ROBO1: variants seen among roughly 807,000 people sequenced by gnomAD.
ROBO1 encodes the protein roundabout guidance receptor 1.
ROBO1 carries 149 observed loss-of-function variants against 195.9 expected under a neutral mutation model. That is an observed-to-expected ratio of 0.76 (90% confidence interval 0.67 to 0.87). ROBO1 has a LOEUF of 0.87. ROBO1 is among the 40% of genes least tolerant of loss of function. The pLI is 0.00. For missense variants in ROBO1, 1,933 were observed against 2,068.3 expected, an observed-to-expected ratio of 0.93 and a Z score of 1.27; for synonymous variants, 816 against 733.2, an observed-to-expected ratio of 1.11 and a Z score of -1.82.
chr3:79,469,756 C>G (rs1938162821), intron 2 of ROBO1, among the ~76,000 whole-genome samples: 1 of 152,012 alleles, frequency 6.6e-6, no homozygotes, highest in Non-Finnish European at 1.5e-5. Flanking sequence ...TATATTTTGG[C>G]AAATCTACTT....
chr3:79,725,614 T>C (rs1288262546), intron 1 of ROBO1, among the ~76,000 whole-genome samples: 1 of 152,140 alleles, frequency 6.6e-6, no homozygotes, highest in Non-Finnish European at 1.5e-5. Flanking sequence ...GAAAGATGAA[T>C]GCAATACCAA....
intron 4 of ROBO1, among the ~76,000 whole-genome samples, chr3:78,835,656 A>G (rs1281160269): frequency 6.6e-6 from 1 of 152,194 alleles, no homozygotes; most frequent in Non-Finnish European, 1.5e-5. Context: ...AAAATGATCA[A>G]TCTATGAATT....
At chr3:78,791,896 C>T (rs1334536522) in intron 4 of ROBO1, among the ~76,000 whole-genome samples, 3 of 152,188 alleles carry the variant, frequency 2.0e-5, no homozygotes, top group Non-Finnish European at 2.9e-5. Context: ...TGCATCTGCT[C>T]CTGCCAGTTT....
intron 1 of ROBO1, among the ~76,000 whole-genome samples, chr3:79,704,335 C>G (rs767038305): frequency 1.3e-5 from 2 of 151,940 alleles, no homozygotes; most frequent in African/African-American, 4.8e-5. Flanking sequence ...ACCCCTCTAC[C>G]TATTCATGTC....
intron 2 of ROBO1, among the ~76,000 whole-genome samples, chr3:79,472,350 T>G (rs1938325809): frequency 2.0e-5 from 3 of 152,074 alleles, no homozygotes; most frequent in African/African-American, 7.2e-5. Context: ...CAGATGTCCC[T>G]CTTTAGGCCC....
At chr3:79,213,887 A>G (rs2082009120) in intron 2 of ROBO1, among the ~76,000 whole-genome samples, 1 of 139,108 alleles carries the variant, frequency 7.2e-6, no homozygotes, top group Non-Finnish European at 1.5e-5. Context: ...GTGCAGTGGC[A>G]CAATCTCGGC....
At chr3:79,487,876 GATAGAA>G (rs1277501692) in intron 2 of ROBO1, among the ~76,000 whole-genome samples, 13 of 152,120 alleles carry the variant, frequency 8.5e-5, no homozygotes, top group Admixed American at 5.2e-4. Flanking sequence ...TTTTTCCCTA[GATAGAA>G]ATAGAAAATG....
intron 27 of ROBO1, 85 bp downstream of exon 27, chr3:78,617,550 A>G: frequency 7.3e-7 from 1 of 1,361,274 alleles, no homozygotes. Flanking sequence ...TTCAAATAGG[A>G]CGTAAGATCA....
Position 78,651,971 on chromosome 3 carries a change from T to C in ROBO1, c.2615-42A>G, listed in dbSNP as rs1706691431. On this transcript the variant is annotated intron_variant, in intron 18 of 30. Coordinates refer to ENST00000464233, the MANE Select transcript of ROBO1 (RefSeq NM_002941.4). ...CGATTAATTTGGGTTGAAGACTCAA[T>C]GCAATAATGCACGCACTCATTTGTG... 2.7e-6 allele frequency: 4 copies of C among 1,468,846 alleles called. No homozygotes were observed. The East Asian group carries it at 9.2e-5, about 34-fold the overall frequency. 91.0% of individuals were successfully genotyped at this position (1,468,846 alleles called of 1,614,324 possible). A position where few individuals can be genotyped will look rare whatever the true frequency, so the allele number is the denominator to read the frequency against.
At chr3:79,544,541 A>G (rs1434825195) in intron 2 of ROBO1, among the ~76,000 whole-genome samples, 1 of 152,072 alleles carries the variant, frequency 6.6e-6, no homozygotes, top group Non-Finnish European at 1.5e-5. Flanking sequence ...TAATACCAGA[A>G]TAGTGGCGGG....
At position 78,963,550 on chromosome 3, in the gene ROBO1, G is replaced by C. The variant is rs1234582611; in HGVS notation, c.173-24623C>G. 3.7e-5 allele frequency among the ~76,000 whole-genome samples: 4 copies of C among 107,616 alleles called. No homozygotes were observed. In the South Asian group the frequency reaches 1.2e-3, roughly 34 times the overall value. The allele number at this position is 107,616 out of a possible 152,430, so 70.6% of individuals were successfully genotyped here. ...TTTTTTTTTTTTGAGACGGAGTCTC[G>C]CTCTGTCGCCCAGGCTGGAGTGCAG... On this transcript the variant is annotated intron_variant, in intron 3 of 30. Coordinates refer to ENST00000464233, the MANE Select transcript of ROBO1 (RefSeq NM_002941.4).
chr3:79,689,815 T>C (rs1480598646), intron 1 of ROBO1, among the ~76,000 whole-genome samples: 1 of 152,010 alleles, frequency 6.6e-6, no homozygotes, highest in Non-Finnish European at 1.5e-5. Context: ...CACATCTTGG[T>C]AGCAAAATGT....
chr3:79,473,663 T>C (rs559027369), intron 2 of ROBO1, among the ~76,000 whole-genome samples: 20 of 152,144 alleles, frequency 1.3e-4, no homozygotes, highest in Non-Finnish European at 2.8e-4. Context: ...AATAATAGCA[T>C]TAACATAATT....
chr3:78,669,006 G>A (rs1199276955), intron 11 of ROBO1, among the ~76,000 whole-genome samples: 1 of 152,058 alleles, frequency 6.6e-6, no homozygotes, highest in African/African-American at 2.4e-5. Flanking sequence ...GGATATATGA[G>A]ATCAACAGAA....
intron 1 of ROBO1, among the ~76,000 whole-genome samples, chr3:79,767,113 G>A (rs1705040272): frequency 6.6e-6 from 1 of 152,084 alleles, no homozygotes; most frequent in Non-Finnish European, 1.5e-5. Context: ...ATACCGCCAA[G>A]AGTTTACCAA....
chr3:78,744,900 T>C (rs541618736), intron 5 of ROBO1, among the ~76,000 whole-genome samples: 49 of 152,322 alleles, frequency 3.2e-4, no homozygotes, highest in African/African-American at 1.2e-3. Flanking sequence ...TTTATTATAG[T>C]TTAATTTACT....
chr3:78,615,435 T>A (rs1488535516), intron 27 of ROBO1, among the ~76,000 whole-genome samples: 1 of 152,214 alleles, frequency 6.6e-6, no homozygotes, highest in Non-Finnish European at 1.5e-5. Context: ...GACTTCTGTT[T>A]TTTTTGGTGG....
At chr3:79,002,921 C>T (rs2077538594) in intron 3 of ROBO1, among the ~76,000 whole-genome samples, 1 of 152,074 alleles carries the variant, frequency 6.6e-6, no homozygotes, top group African/African-American at 2.4e-5. Flanking sequence ...CCATCTTCCA[C>T]ATTTCTCAGT....
At position 78,636,101 on chromosome 3, in the gene ROBO1, A is replaced by G; in HGVS notation, c.3045T>C (p.Cys1015=). Residue 1015 remains cysteine, a synonymous_variant, in exon 23 of 31, where the codon TGT becomes TGC. Transcript: ENST00000464233. The part of the protein sequence containing the change: ...NLTTYSRPAD[C]IANYNNQLDN... ...CCAGTTGGTTGTTATAATTTGCTAT[A>G]CAATCAGCTATGTGCAATGGAGAGG... 6.2e-7 allele frequency: 1 copy of G among 1,609,062 alleles called. No individual in the cohort carries two copies.
Sources: allele counts gnomAD v4.1 joint callset (sites outside exome capture counted in the v4.1 genomes callset), GRCh38; gene constraint gnomAD v4.1.1; transcripts MANE v1.5; gene names NCBI Gene and HGNC (gene_info 2026-07-23, HGNC 2026-07-21).